The following DMD variants were observed in gnomAD, a reference collection of about 807,000 sequenced individuals.
The protein encoded by DMD is dystrophin, also known as mutant dystrophin.
A neutral mutation model predicts 330.1 loss-of-function variants in DMD; 63 were observed. The ratio of observed to expected loss-of-function variants is 0.19; its 90% CI spans 0.16 to 0.24. DMD has a LOEUF of 0.24. Ranked by LOEUF, DMD falls within the 10% of genes least tolerant of loss-of-function variation. The pLI is 1.00. For missense variants in DMD, 3,344 were observed against 2,684.1 expected, an observed-to-expected ratio of 1.25 and a Z score of -5.43; for synonymous variants, 1,223 against 959.8, an observed-to-expected ratio of 1.27 and a Z score of -5.07.
intron 37 of DMD, among the ~76,000 whole-genome samples, chrX:32,361,308 G>C (rs923277777): frequency 2.1e-4 from 23 of 111,284 alleles, no homozygotes; most frequent in Admixed American, 7.7e-4. Context: ...TCAATTTTAA[G>C]AGCCTGTCAC....
At chrX:32,173,580 C>T (rs755679799) in intron 44 of DMD, among the ~76,000 whole-genome samples, 14 of 110,466 alleles carry the variant, frequency 1.3e-4, no homozygotes, top group Non-Finnish European at 2.1e-4. Context: ...ACCGTGTTAG[C>T]CAGGATGGTC....
At chrX:32,479,603 T>C (rs1277370541) in intron 21 of DMD, among the ~76,000 whole-genome samples, 1 of 110,389 alleles carries the variant, frequency 9.1e-6, no homozygotes, top group Non-Finnish European at 1.9e-5. Flanking sequence ...TGGTGGCAAA[T>C]GACAGAAATT....
At chrX:33,175,150 A>G (rs2049581073) in intron 1 of DMD, among the ~76,000 whole-genome samples, 1 of 112,141 alleles carries the variant, frequency 8.9e-6, no homozygotes, top group African/African-American at 3.2e-5. Context: ...GGTTATCAGA[A>G]CAATCAAAGA....
At chrX:32,938,276 TG>T (rs1308364854) in intron 2 of DMD, among the ~76,000 whole-genome samples, 1 of 111,482 alleles carries the variant, frequency 9.0e-6, no homozygotes, top group Non-Finnish European at 1.9e-5. Context: ...GGTTTGGGGT[TG>T]GGGGAAATAA....
At chrX:31,931,846 G>A (rs1413578920) in intron 46 of DMD, among the ~76,000 whole-genome samples, 1 of 108,816 alleles carries the variant, frequency 9.2e-6, no homozygotes, top group African/African-American at 3.4e-5. Context: ...TAGATGTATA[G>A]ATGCAATATG....
chrX:33,033,731 T>C (rs1252408823), intron 1 of DMD, among the ~76,000 whole-genome samples: 1 of 109,437 alleles, frequency 9.1e-6, no homozygotes, highest in Non-Finnish European at 1.9e-5. Context: ...AAAAAAAAGC[T>C]CTCATACTAG....
chrX:32,836,148 C>T (rs1311429294), intron 4 of DMD, among the ~76,000 whole-genome samples: 1 of 109,353 alleles, frequency 9.1e-6, no homozygotes, highest in East Asian at 2.9e-4. Flanking sequence ...TCTCATGCCT[C>T]AGCCTCCCCA....
chrX:32,759,974 A>G (rs2072052104), intron 7 of DMD, among the ~76,000 whole-genome samples: 1 of 112,174 alleles, frequency 8.9e-6, no homozygotes, highest in South Asian at 3.7e-4. Context: ...TAGAGGATAA[A>G]AAAAGAATTC....
intron 43 of DMD, among the ~76,000 whole-genome samples, chrX:32,223,117 T>C (rs1178154913): frequency 8.9e-6 from 1 of 111,772 alleles, no homozygotes; most frequent in African/African-American, 3.2e-5. Flanking sequence ...GTTTGTGCTG[T>C]TATAACAAAA....
chrX:31,770,560 T>C (rs1376907463), intron 51 of DMD, among the ~76,000 whole-genome samples: 1 of 112,192 alleles, frequency 8.9e-6, no homozygotes, highest in Non-Finnish European at 1.9e-5. Flanking sequence ...GCTTAAGTTT[T>C]TCCTTCTTCA....
At position 32,503,618 on chromosome X, in the gene DMD, T is replaced by TGC. The variant is rs1569564942; in HGVS notation, c.2293-1777_2293-1776insGC. Among the ~76,000 whole-genome samples, 38 of 111,376 alleles carry TGC rather than the reference T, an allele frequency of 3.4e-4. 1 individual carries two copies. The East Asian group carries it at 6.0e-3, about 18-fold the overall frequency. ...TCGCCCAGGCTGGAGTGCAGTGGCA[T>TGC]GATCTCAGCTCACTGCAACCTCTGC... On this transcript the variant is annotated intron_variant, in intron 18 of 78. Coordinates refer to ENST00000357033, the MANE Select transcript of DMD (RefSeq NM_004006.3).
chrX:32,397,071 C>T (rs1195730085), intron 30 of DMD, among the ~76,000 whole-genome samples: 2 of 111,206 alleles, frequency 1.8e-5, no homozygotes, highest in Middle Eastern at 4.6e-3. Context: ...TCTTTTTTGA[C>T]ATTATGAGAA....
At chrX:32,300,109 G>C (rs2097516168) in intron 42 of DMD, among the ~76,000 whole-genome samples, 1 of 111,858 alleles carries the variant, frequency 8.9e-6, no homozygotes, top group South Asian at 3.7e-4. Flanking sequence ...AGAATGTTAA[G>C]CATAGCACTT....
At chrX:32,550,934 C>A (rs2049487263) in intron 16 of DMD, among the ~76,000 whole-genome samples, 1 of 110,620 alleles carries the variant, frequency 9.0e-6, no homozygotes, top group Admixed American at 9.7e-5. Flanking sequence ...AAGTTTGAAC[C>A]AGGAAGAAAT....
chrX:32,691,363 C>A (rs750093649), intron 9 of DMD, among the ~76,000 whole-genome samples: 1 of 109,253 alleles, frequency 9.2e-6, no homozygotes, highest in African/African-American at 3.3e-5. Flanking sequence ...GGGCTAAAGG[C>A]TTGAACAGAC....
At chrX:32,830,927 G>C (rs778225643) in intron 4 of DMD, among the ~76,000 whole-genome samples, 3 of 111,279 alleles carry the variant, frequency 2.7e-5, no homozygotes, top group Admixed American at 9.6e-5. Flanking sequence ...ATTGCACATA[G>C]AAAACCTAAT....
intron 29 of DMD, among the ~76,000 whole-genome samples, chrX:32,417,525 T>TA (rs1166439631): frequency 3.6e-5 from 4 of 110,301 alleles, no homozygotes; most frequent in Non-Finnish European, 7.6e-5. Flanking sequence ...ACTTGATAGG[T>TA]AAAAAATGAA....
chrX:31,535,685 C>T lies in DMD; in HGVS notation c.8218-28232G>A, dbSNP rs756907913. 4.5e-5 allele frequency among the ~76,000 whole-genome samples: 5 copies of T among 111,797 alleles called. No individual in the cohort carries two copies. The South Asian group carries it at 1.9e-3, about 42-fold the overall frequency. ...GTTTACTGTATGATTGTTTTAGCCA[C>T]CTTTTCCCCCTCCAATCTTCCAAGT... On this transcript the variant is annotated intron_variant, in intron 55 of 78. Transcript: ENST00000357033.
In DMD at chrX:32,736,686, T is replaced by C. The variant is rs776516350; in HGVS notation, c.650-37393A>G. ...CAAGAACAAAAAACCAAACACCACA[T>C]ATTCTCACTCATAGGTGGGAATTGA... On this transcript the variant is annotated intron_variant, in intron 7 of 78. Coordinates refer to ENST00000357033, the MANE Select transcript of DMD (RefSeq NM_004006.3). 4.4e-3 allele frequency among the ~76,000 whole-genome samples: 453 copies of C among 102,575 alleles called. 3 individuals carry two copies. Among genetic ancestry groups the C allele is most frequent in the Non-Finnish European group, 6.5e-3 (336 of 51,379 alleles). 89.1% of individuals were successfully genotyped at this position (102,575 alleles called of 115,157 possible).
Sources: gnomAD v4.1 joint callset for allele counts (sites outside exome capture counted in the v4.1 genomes callset) on GRCh38, gnomAD v4.1.1 for gene constraint, MANE v1.5 for transcripts, NCBI Gene and HGNC (gene_info 2026-07-23, HGNC 2026-07-21) for gene names.